Variants in NFIL3 observed in about 807,000 individuals in gnomAD.
NFIL3 encodes nuclear factor interleukin-3-regulated protein.
In NFIL3, 5 loss-of-function variants were observed where a neutral mutation model predicts 10.0. The ratio of observed to expected loss-of-function variants is 0.50; its 90% CI spans 0.26 to 1.06. The LOEUF (loss-of-function observed/expected upper bound fraction) is 1.06, where lower values mean the gene tolerates loss of function less well. NFIL3 is among the 50% of genes least tolerant of loss of function. NFIL3 has a pLI of 0.13. For missense variants in NFIL3, 436 were observed against 547.6 expected (o/e 0.80, Z 2.03); for synonymous variants, 202 against 206.5 (o/e 0.98, Z 0.19).
chr9:91,425,633 C>T (rs1225957573), upstream of NFIL3, among the ~76,000 whole-genome samples: 16 of 152,204 alleles, frequency 1.1e-4, no homozygotes, highest in Admixed American at 1.0e-3. Context: ...TTTATAATTT[C>T]CACTTTTCTC....
At chr9:91,442,517 C>T in the NFIL3 span, among the ~76,000 whole-genome samples, 1 of 152,176 alleles carries the variant, frequency 6.6e-6, no homozygotes, top group Non-Finnish European at 1.5e-5. Context: ...AGCCTGTAAC[C>T]TATACCTGCC....
chr9:91,442,441 T>C, the NFIL3 span, among the ~76,000 whole-genome samples: 1 of 152,190 alleles, frequency 6.6e-6, no homozygotes, highest in Non-Finnish European at 1.5e-5. Context: ...TGCCTGAGTA[T>C]TGCTTGTGTC....
chr9:91,435,877 C>G, the NFIL3 span, among the ~76,000 whole-genome samples: 1 of 152,328 alleles, frequency 6.6e-6, no homozygotes, highest in East Asian at 1.9e-4. Flanking sequence ...CTTGTACATC[C>G]CATAGTTCAC....
the NFIL3 span, among the ~76,000 whole-genome samples, chr9:91,469,347 A>G: frequency 2.0e-5 from 3 of 152,156 alleles, no homozygotes; most frequent in Non-Finnish European, 4.4e-5. Context: ...TTATTGGTGT[A>G]TAGGAATGCT....
At chr9:91,442,762 A>T in the NFIL3 span, among the ~76,000 whole-genome samples, 5 of 152,010 alleles carry the variant, frequency 3.3e-5, no homozygotes, top group African/African-American at 9.7e-5. Context: ...AAGCTTGGAG[A>T]TGCCAGGAAC....
chr9:91,481,322 A>G, the NFIL3 span, among the ~76,000 whole-genome samples: 1 of 152,234 alleles, frequency 6.6e-6, no homozygotes, highest in Non-Finnish European at 1.5e-5. Context: ...GGTTTTATTC[A>G]TATCCCAAGT....
the NFIL3 span, among the ~76,000 whole-genome samples, chr9:91,436,165 C>T: frequency 6.6e-6 from 1 of 152,204 alleles, no homozygotes; most frequent in East Asian, 1.9e-4. Context: ...CACACTCCTC[C>T]AATGCTGCTA....
At chr9:91,445,843 C>T in the NFIL3 span, among the ~76,000 whole-genome samples, 117 of 152,224 alleles carry the variant, frequency 7.7e-4, no homozygotes, top group African/African-American at 2.7e-3. Context: ...AGTGTCTCCA[C>T]AGTAGCTTAG....
the NFIL3 span, among the ~76,000 whole-genome samples, chr9:91,468,886 C>A: frequency 6.6e-6 from 1 of 152,090 alleles, no homozygotes. Context: ...TGTTCTGTTC[C>A]ATTGGTCTTT....
intron 1 of NFIL3, among the ~76,000 whole-genome samples, chr9:91,422,061 T>C (rs943751770): frequency 1.3e-5 from 2 of 152,244 alleles, no homozygotes; most frequent in African/African-American, 4.8e-5. Context: ...CTGACCTCAC[T>C]TACTGTTGTT....
the NFIL3 span, among the ~76,000 whole-genome samples, chr9:91,444,838 T>C: frequency 6.6e-6 from 1 of 152,186 alleles, no homozygotes; most frequent in Non-Finnish European, 1.5e-5. Flanking sequence ...TCTCCACCAC[T>C]TAGCTGAAGT....
In NFIL3 at chr9:91,410,562, G is replaced by A. The variant is rs774674177; in HGVS notation, c.173C>T (p.Ser58Phe). Residue 58 changes from serine to phenylalanine, a missense_variant, in exon 2 of 2, where the codon TCT becomes TTT. Physicochemically the swap from Ser to Phe is radical, Grantham distance 155. Coordinates refer to ENST00000297689, the MANE Select transcript of NFIL3 (RefSeq NM_005384.3). The surrounding 1 kb of genome is among the most constrained non-coding windows in gnomAD (Gnocchi z 5.7). ...GAATTCCCGTTTCCTCCGACATGCA[G>A]AAGATTTGTTCTTCCCCACACTTCC... Reference protein sequence around the residue: ...SEGSVGKNKSSACRRKREFIP... With the variant: ...SEGSVGKNKSFACRRKREFIP... 6 of 1,614,198 alleles carry A rather than the reference G, an allele frequency of 3.7e-6. No individual in the cohort carries two copies. Among genetic ancestry groups the A allele is most frequent in the South Asian group, 2.2e-5 (2 of 91,080 alleles).
the NFIL3 span, among the ~76,000 whole-genome samples, chr9:91,465,017 A>G: frequency 1.3e-5 from 2 of 151,948 alleles, no homozygotes; most frequent in Non-Finnish European, 2.9e-5. Flanking sequence ...ATTTATTGGT[A>G]TTACTCCTAT....
the NFIL3 span, among the ~76,000 whole-genome samples, chr9:91,459,800 C>G: frequency 6.6e-6 from 1 of 152,276 alleles, no homozygotes; most frequent in East Asian, 1.9e-4. Context: ...ATTTGCATTT[C>G]AAATGCTATA....
At chr9:91,483,235 A>T in the NFIL3 span, among the ~76,000 whole-genome samples, 1 of 152,088 alleles carries the variant, frequency 6.6e-6, no homozygotes, top group Admixed American at 6.5e-5. Flanking sequence ...CTCCCGTCCT[A>T]TGTTTCCTGG....
the NFIL3 span, among the ~76,000 whole-genome samples, chr9:91,479,210 G>A: frequency 1.3e-5 from 2 of 152,332 alleles, no homozygotes; most frequent in Admixed American, 1.3e-4. Context: ...GAGCCAGCAG[G>A]CAAGAACGTT....
chr9:91,447,136 C>A, the NFIL3 span, among the ~76,000 whole-genome samples: 25 of 152,240 alleles, frequency 1.6e-4, 1 homozygote, highest in African/African-American at 5.8e-4. Flanking sequence ...CAAGTCTTAA[C>A]CATGTATAGC....
chr9:91,438,845 C>T, the NFIL3 span, among the ~76,000 whole-genome samples: 22 of 151,956 alleles, frequency 1.4e-4, no homozygotes, highest in Non-Finnish European at 2.5e-4. Flanking sequence ...TTCTGTGCAC[C>T]CTATTCTGTT....
the NFIL3 span, among the ~76,000 whole-genome samples, chr9:91,431,309 G>A: frequency 4.9e-3 from 751 of 151,898 alleles, 5 homozygotes; most frequent in African/African-American, 0.017. Context: ...GGTAAGTCAC[G>A]TGAAACCTTG....
Sources: gnomAD v4.1 joint callset for allele counts (sites outside exome capture counted in the v4.1 genomes callset) on GRCh38, gnomAD v4.1.1 for gene constraint, Gnocchi (gnomAD v3.1) non-coding constraint, MANE v1.5 for transcripts, NCBI Gene and HGNC (gene_info 2026-07-23, HGNC 2026-07-21) for gene names.